GPRC5A: variants seen among roughly 807,000 people sequenced by gnomAD.
GPRC5A encodes the protein retinoic acid-induced protein 3.
GPRC5A carries 19 observed loss-of-function variants against 22.5 expected under a neutral mutation model. The ratio of observed to expected loss-of-function variants is 0.85; its 90% CI spans 0.59 to 1.24. The LOEUF is 1.24. Among genes scored for constraint, GPRC5A ranks in the 50% most tolerant of loss-of-function variants. The pLI, the probability that GPRC5A is intolerant of heterozygous loss-of-function variation, is 0.00. For missense variants in GPRC5A, 471 were observed against 451.1 expected, an observed-to-expected ratio of 1.04 and a Z score of -0.40; for synonymous variants, 192 against 184.5, an observed-to-expected ratio of 1.04 and a Z score of -0.33.
In GPRC5A at chr12:12,915,812, G is replaced by A. The variant is rs771438435; in HGVS notation, c.*3273G>A. 2.7e-5 allele frequency: 14 copies of A among 511,090 alleles called. No individual in the cohort carries two copies. The highest frequency in any genetic ancestry group is 1.7e-4 in the East Asian group (3 of 17,536). 31.7% of individuals were successfully genotyped at this position (511,090 alleles called of 1,614,324 possible). A position where few individuals can be genotyped will look rare whatever the true frequency, so the allele number is the denominator to read the frequency against. ...ATTACAGGCATGAGCCACCGCGCCC[G>A]GCCCCGTTGTTTCCCTTCTAAGAAA... On this transcript the variant is annotated 3_prime_UTR_variant, in exon 4 of 4. Transcript: ENST00000014914.
Position 12,894,108 on chromosome 12 carries a change from C to T in GPRC5A, c.-8+2444C>T, listed in dbSNP as rs899621969. Among the ~76,000 whole-genome samples, 4 of 152,294 alleles carry T rather than the reference C, an allele frequency of 2.6e-5. No individual in the cohort carries two copies. The East Asian group carries it at 7.7e-4, about 29-fold the overall frequency. ...CAATGCTCATATGTTTATGTATCAT[C>T]TATGCTGCTTTCATGCTACAAATGT... On this transcript the variant is annotated intron_variant, in intron 1 of 3. Transcript: ENST00000014914.
rs1210474689 is a variant in GPRC5A, at chr12:12,915,646, C to T, written c.*3107C>T. The T allele has an allele frequency of 1.0e-5, 2 of 191,380 alleles. No homozygotes were observed. Among genetic ancestry groups the T allele is most frequent in the East Asian group, 3.2e-4 (2 of 6,194 alleles). The allele number at this position is 191,380 out of a possible 1,614,324, so 11.9% of individuals were successfully genotyped here. A position where few individuals can be genotyped will look rare whatever the true frequency, so the allele number is the denominator to read the frequency against. On this transcript the variant is annotated 3_prime_UTR_variant, in exon 4 of 4. Transcript: ENST00000014914. ...CCTTCTCCTCCTCCTCCTCCTCCAC[C>T]ATGCCCGGCTGATTTTTGTATTTTT...
At chr12:12,901,160 C>T (rs1180568362) in intron 1 of GPRC5A, among the ~76,000 whole-genome samples, 4 of 152,104 alleles carry the variant, frequency 2.6e-5, no homozygotes, top group Non-Finnish European at 5.9e-5. Flanking sequence ...AGAGGCTACT[C>T]ATGCTGAAAC....
Position 12,908,742 on chromosome 12 carries a change from T to G in GPRC5A, c.493T>G (p.Phe165Val), listed in dbSNP as rs780766101. The change falls in exon 2 of 4, where the codon TTT becomes GTT. Residue 165 changes from phenylalanine to valine, a missense_variant. Transcript: ENST00000014914. ...CATGAATAGGACCAACGTCAATGTCTTTTCTGAGCTTTCCGCTCCTCGTCG... is the reference window on the plus strand; with the variant it reads ...CATGAATAGGACCAACGTCAATGTCGTTTCTGAGCTTTCCGCTCCTCGTCG... ...LTMNRTNVNV[F>V]SELSAPRRNE... The G allele has an allele frequency of 2.5e-6, 4 of 1,614,198 alleles. No homozygotes were observed. Among genetic ancestry groups the G allele is most frequent in the Middle Eastern group, 1.6e-4 (1 of 6,062 alleles).
At position 12,897,989 on chromosome 12, in the gene GPRC5A, A is replaced by G. The variant is rs976163934; in HGVS notation, c.-8+6325A>G. Reference sequence around the variant, plus strand: ...CACATGGTTCTGTCCTTGGCTTCCCATGTGATCTTGTCTCCTCTTGAGGCT... The same window carrying G: ...CACATGGTTCTGTCCTTGGCTTCCCGTGTGATCTTGTCTCCTCTTGAGGCT... On this transcript the variant is annotated intron_variant, in intron 1 of 3. Coordinates refer to ENST00000014914, the MANE Select transcript of GPRC5A (RefSeq NM_003979.4). 2.6e-5 allele frequency among the ~76,000 whole-genome samples: 4 copies of G among 152,170 alleles called. No homozygotes were observed. The East Asian group carries it at 7.7e-4, about 29-fold the overall frequency.
At chr12:12,906,986 G>A (rs850933) in intron 1 of GPRC5A, among the ~76,000 whole-genome samples, 2,975 of 152,034 alleles carry the variant, frequency 0.02, 101 homozygotes, top group African/African-American at 0.068. Context: ...CCCAGGAGGC[G>A]GAGGTTGCGG....
At chr12:12,911,515 G>A (rs539105475) in intron 2 of GPRC5A, among the ~76,000 whole-genome samples, 18 of 150,364 alleles carry the variant, frequency 1.2e-4, no homozygotes, top group Admixed American at 1.1e-3. Context: ...TTGAGACAGA[G>A]TCTTGTTCTG....
chr12:12,894,334 G>A (rs1466475192), intron 1 of GPRC5A, among the ~76,000 whole-genome samples: 1 of 152,150 alleles, frequency 6.6e-6, no homozygotes, highest in Admixed American at 6.5e-5. Context: ...TATTTTATCT[G>A]CCAAGGACTG....
intron 1 of GPRC5A, among the ~76,000 whole-genome samples, 156 bp from the exon 2 acceptor site, chr12:12,908,087 A>G (rs931543141): frequency 1.3e-5 from 2 of 152,200 alleles, no homozygotes; most frequent in East Asian, 3.8e-4. Context: ...GAGGTAGAGG[A>G]AAGTTAGTAG....
At chr12:12,905,807 G>A (rs189891522) in intron 1 of GPRC5A, among the ~76,000 whole-genome samples, 6 of 152,182 alleles carry the variant, frequency 3.9e-5, no homozygotes, top group Non-Finnish European at 7.3e-5. Flanking sequence ...CCTTTCTCCT[G>A]ACAAAGGACA....
At chr12:12,900,912 AACAAAAAAAAAAC>A (rs1410908951) in intron 1 of GPRC5A, among the ~76,000 whole-genome samples, 2 of 121,522 alleles carry the variant, frequency 1.6e-5, no homozygotes, top group African/African-American at 8.0e-5. Flanking sequence ...AAAAAAAAAA[AACAAAAAAAAAAC>A]AACCCAGAAA....
chr12:12,912,117 C>G lies in GPRC5A; in HGVS notation c.956C>G (p.Pro319Arg), dbSNP rs1377720697. ...FEETGDTLYA[P>R]YSTHFQLQNQ... The stretch of plus-strand genomic sequence containing the variant: ...GAGACAGGGGACACGCTCTATGCCC[C>G]CTATTCCACACATTTTCAGCTGCAG... Residue 319 changes from proline (P) to arginine (R), a missense_variant, in exon 3 of 4, where the codon CCC becomes CGC. Transcript: ENST00000014914. The G allele has an allele frequency of 6.2e-7, 1 of 1,613,118 alleles. No individual in the cohort carries two copies. Among genetic ancestry groups the G allele is most frequent in the Admixed American group, 1.7e-5 (1 of 60,002 alleles).
rs114525914 is a variant in GPRC5A at position 12,899,227 on chromosome 12, G to A, written c.-8+7563G>A. The stretch of plus-strand genomic sequence containing the variant: ...TTTTTAATTTCTTTTTGTACAGCGG[G>A]GGTCTCACTATGCTGCCCAGGTTGG... On this transcript the variant is annotated intron_variant, in intron 1 of 3. Coordinates refer to ENST00000014914, the MANE Select transcript of GPRC5A (RefSeq NM_003979.4). Among the ~76,000 whole-genome samples the A allele has an allele frequency of 5.7e-3, 862 of 152,134 alleles. 9 individuals are homozygous for A. The highest frequency in any genetic ancestry group is 0.02 in the African/African-American group (811 of 41,502).
intron 1 of GPRC5A, among the ~76,000 whole-genome samples, chr12:12,907,615 G>T (rs1167174144): frequency 6.6e-6 from 1 of 151,624 alleles, no homozygotes; most frequent in African/African-American, 2.4e-5. Context: ...ACCCTGGCAG[G>T]TTATTTGTAA....
At chr12:12,906,301 G>A (rs1401682757) in intron 1 of GPRC5A, among the ~76,000 whole-genome samples, 2 of 152,200 alleles carry the variant, frequency 1.3e-5, no homozygotes, top group Non-Finnish European at 2.9e-5. Flanking sequence ...TGGGCGGGGT[G>A]ACTCAACACC....
At position 12,908,816 on chromosome 12, in the gene GPRC5A, G is replaced by A. The variant is rs139349210; in HGVS notation, c.567G>A (p.Ala189=). The A allele has an allele frequency of 1.8e-4, 284 of 1,613,930 alleles. 2 individuals are homozygous for A. The highest frequency in any genetic ancestry group is 5.5e-4 in the South Asian group (50 of 91,086). Residue 189 remains alanine (A), a synonymous_variant, in exon 2 of 4, where the codon GCG becomes GCA. Coordinates refer to ENST00000014914, the MANE Select transcript of GPRC5A (RefSeq NM_003979.4). ...TCACCTACGTCCTCTTCTTGATGGCGCTGACCTTCCTCATGTCCTCCTTCA... is the reference window on the plus strand; with the variant it reads ...TCACCTACGTCCTCTTCTTGATGGCACTGACCTTCCTCATGTCCTCCTTCA... The part of the protein sequence containing the change: ...LLLTYVLFLM[A]LTFLMSSFTF...
intron 1 of GPRC5A, among the ~76,000 whole-genome samples, chr12:12,895,582 G>A (rs541451885): frequency 1.1e-4 from 17 of 151,724 alleles, no homozygotes; most frequent in African/African-American, 3.9e-4. Context: ...TGTAAGGAGA[G>A]GTGATCAGTT....
At position 12,914,741 on chromosome 12, in the gene GPRC5A, G is replaced by C. The variant is rs947508800; in HGVS notation, c.*2202G>C. The C allele has an allele frequency of 6.9e-6, 1 of 145,326 alleles. No individual in the cohort carries two copies. The highest frequency in any genetic ancestry group is 2.7e-5 in the African/African-American group (1 of 37,588). The allele number at this position is 145,326 out of a possible 1,614,324, so 9.0% of individuals were successfully genotyped here. A position where few individuals can be genotyped will look rare whatever the true frequency, so the allele number is the denominator to read the frequency against. On this transcript the variant is annotated 3_prime_UTR_variant, in exon 4 of 4. Transcript: ENST00000014914. ...AGCGATTTTCGTGCCTCGGCCTTCT[G>C]AGTAGCTGGGATTACAGGCGTGCGT...
rs146477927 is a variant in GPRC5A, at chr12:12,909,087, G to C, written c.838G>C (p.Glu280Gln). Residue 280 changes from glutamate to glutamine, a missense_variant, in exon 2 of 4, where the codon GAG (glutamate) becomes CAG (glutamine). By Grantham distance (29) the Glu-to-Gln change is conservative. Transcript: ENST00000014914. ...ACGAAACCCCATGGATTATCCTGTTGAGGATGCTTTCTGTAAACCTCAACT... is the reference window on the plus strand; with the variant it reads ...ACGAAACCCCATGGATTATCCTGTTCAGGATGCTTTCTGTAAACCTCAACT... ...KQRNPMDYPV[E>Q]DAFCKPQLVK... 3 of 1,604,610 alleles carry C rather than the reference G, an allele frequency of 1.9e-6. No individual in the cohort carries two copies. The highest frequency in any genetic ancestry group is 2.5e-6 in the Non-Finnish European group (3 of 1,179,848).
Sources: allele counts gnomAD v4.1 joint callset (sites outside exome capture counted in the v4.1 genomes callset), GRCh38; gene constraint gnomAD v4.1.1; transcripts MANE v1.5; gene names NCBI Gene and HGNC (gene_info 2026-07-23, HGNC 2026-07-21).